The following OTOF variants were observed in gnomAD, a reference collection of about 807,000 sequenced individuals.
The protein encoded by OTOF is fer-1-like family member 2.
OTOF carries 218 observed loss-of-function variants against 236.8 expected under a neutral mutation model. The ratio of observed to expected loss-of-function variants is 0.92; its 90% CI spans 0.82 to 1.03. The LOEUF is 1.03. Among genes scored for constraint, OTOF ranks in the 50% least tolerant of loss-of-function variants. OTOF has a pLI of 0.00. For missense variants in OTOF, 2,590 were observed against 2,694.4 expected, an observed-to-expected ratio of 0.96 and a Z score of 0.86; for synonymous variants, 1,041 against 1,072.5, an observed-to-expected ratio of 0.97 and a Z score of 0.57.
rs79734645 is a variant in OTOF at position 26,558,684 on chromosome 2, C to T, written c.-113G>A. 3.2e-3 allele frequency: 2,852 copies of T among 904,824 alleles called. 61 individuals carry two copies. The African/African-American group carries it at 0.041, about 13-fold the overall frequency. 56.0% of individuals were successfully genotyped at this position (904,824 alleles called of 1,614,324 possible). On this transcript the variant is annotated 5_prime_UTR_variant, in exon 1 of 47. Transcript: ENST00000272371. Reference sequence around the variant, plus strand: ...TGCCGCTGCCTCCTCCTCCTCCTCCCGACCCCCCTCCGATGCTGCCCACAG... The same window carrying T: ...TGCCGCTGCCTCCTCCTCCTCCTCCTGACCCCCCTCCGATGCTGCCCACAG...
In OTOF at chr2:26,460,937, G is replaced by C; in HGVS notation, c.5627C>G (p.Pro1876Arg). The C allele has an allele frequency of 6.2e-7, 1 of 1,614,078 alleles. No homozygotes were observed. The change falls in exon 44 of 47, where the codon CCC (proline) becomes CGC (arginine). Residue 1876 changes from proline to arginine, a missense_variant. Coordinates refer to ENST00000272371, the MANE Select transcript of OTOF (RefSeq NM_194248.3). This position sits in a 1 kb window ranked among gnomAD's most constrained non-coding sequence, Gnocchi z 5.3. ...CTTTTGCTTGAAGATGGACACGAGG[G>C]GCACGTCCACCTCCCCGGTGGCCAT... ...MEMATGEVDV[P>R]LVSIFKQKRV...
In OTOF at chr2:26,458,081, T is replaced by A; in HGVS notation, c.*157A>T. 1 of 1,614,122 alleles carries A rather than the reference T, an allele frequency of 6.2e-7. No individual in the cohort carries two copies. Among genetic ancestry groups the A allele is most frequent in the Non-Finnish European group, 8.5e-7 (1 of 1,180,012 alleles). On this transcript the variant is annotated 3_prime_UTR_variant, in exon 47 of 47. Coordinates refer to ENST00000272371, the MANE Select transcript of OTOF (RefSeq NM_194248.3). ...TTTTTGACCATGTAGCCAGGGAGGC[T>A]GTAGAGGAAGAGCCCCAACATGAGC...
At chr2:26,491,028 TG>T (rs1297451661) in intron 9 of OTOF, among the ~76,000 whole-genome samples, 5 of 151,910 alleles carry the variant, frequency 3.3e-5, no homozygotes, top group Admixed American at 6.6e-5. Flanking sequence ...AGGAGATACC[TG>T]GGGAGAGCAT....
chr2:26,463,914 C>A (rs769617519), intron 40 of OTOF, 50 bp downstream of exon 40: 2 of 1,612,050 alleles, frequency 1.2e-6, no homozygotes, highest in Admixed American at 1.7e-5. Context: ...GGTTGGGGAT[C>A]CCTGGTCCCC....
At chr2:26,527,358 A>G (rs1386280393) in intron 3 of OTOF, among the ~76,000 whole-genome samples, 1 of 152,276 alleles carries the variant, frequency 6.6e-6, no homozygotes. Flanking sequence ...GTCACACAGT[A>G]GATGACTGAC....
At chr2:26,514,233 G>A (rs1201652753) in intron 5 of OTOF, among the ~76,000 whole-genome samples, 1 of 152,262 alleles carries the variant, frequency 6.6e-6, no homozygotes, top group African/African-American at 2.4e-5. Flanking sequence ...CCTGCACACT[G>A]CCCCTGCAAT....
intron 1 of OTOF, among the ~76,000 whole-genome samples, chr2:26,546,467 G>GAAA (rs35043439): frequency 7.0e-6 from 1 of 143,782 alleles, no homozygotes. Context: ...GTCTCAAAAA[G>GAAA]AAAAAAAAAA....
At position 26,465,750 on chromosome 2, in the gene OTOF, C is replaced by T; in HGVS notation, c.4721G>A (p.Gly1574Glu). The change falls in exon 38 of 47, where the codon GGG (glycine) becomes GAG (glutamate). Residue 1574 changes from glycine (G) to glutamate (E), a missense_variant. By Grantham distance (98) the Gly-to-Glu change is moderately conservative. Transcript: ENST00000272371. ...GTTCTCCAGGTCGATCTTGGTTTCC[C>T]CAATGAGGTCATCAGTGCCCACCAG... is the stretch of plus-strand genomic sequence containing the variant. The part of the protein sequence containing the change: ...WDLVGTDDLI[G>E]ETKIDLENRF... 1 of 1,614,224 alleles carries T rather than the reference C, an allele frequency of 6.2e-7. No individual in the cohort carries two copies. The highest frequency in any genetic ancestry group is 8.5e-7 in the Non-Finnish European group (1 of 1,180,036).
intron 34 of OTOF, 54 bp downstream of exon 34, chr2:26,467,311 C>T: frequency 6.2e-7 from 1 of 1,613,526 alleles, no homozygotes; most frequent in Non-Finnish European, 8.5e-7. Flanking sequence ...GATCACTGCG[C>T]CCCCCTCTTC....
intron 2 of OTOF, among the ~76,000 whole-genome samples, chr2:26,533,311 C>A (rs573084162): frequency 6.6e-4 from 101 of 152,294 alleles, no homozygotes; most frequent in African/African-American, 2.3e-3. Context: ...AGGTTGGGGA[C>A]TGCTGCTTTA....
Position 26,516,437 on chromosome 2 carries a change from C to T in OTOF, c.490G>A (p.Gly164Arg). 1 of 1,613,994 alleles carries T rather than the reference C, an allele frequency of 6.2e-7. No homozygotes were observed. Among genetic ancestry groups the T allele is most frequent in the Non-Finnish European group, 8.5e-7 (1 of 1,179,948 alleles). ...TGTTACCTCCGGAAGCTCTTCTCTC[C>T]TGGGGGCCGGGAGCTGGGCCGGGAG... is the stretch of plus-strand genomic sequence containing the variant. ...PGSRPSSRPPGEKSFRRAGRS... is the reference protein window; with the variant it reads ...PGSRPSSRPPREKSFRRAGRS... Residue 164 changes from glycine to arginine, a missense_variant, in exon 5 of 47, where the codon GGA (glycine) becomes AGA (arginine). By Grantham distance (125) the Gly-to-Arg change is moderately radical (BLOSUM62 -2). Around this residue, in one of 2 missense-constraint regions of OTOF, gnomAD observed 1,379 missense variants for 1,341.6 expected, o/e 1.03. Transcript: ENST00000272371.
intron 1 of OTOF, among the ~76,000 whole-genome samples, chr2:26,543,739 C>T (rs143573871): frequency 3.1e-3 from 465 of 152,236 alleles, no homozygotes; most frequent in African/African-American, 9.5e-3. Context: ...TTTTTTGAGA[C>T]GGAGTCTTGA....
chr2:26,473,919 G>A lies in OTOF; in HGVS notation c.3408+72C>T, dbSNP rs1334029257. 2.5e-6 allele frequency: 4 copies of A among 1,587,150 alleles called. No individual in the cohort carries two copies. The highest frequency in any genetic ancestry group is 1.1e-5 in the South Asian group (1 of 90,272). On this transcript the variant is annotated intron_variant, in intron 27 of 46. Transcript: ENST00000272371. This position sits in a 1 kb window ranked among gnomAD's most constrained non-coding sequence, Gnocchi z 7.2. ...CTGGTGATGGTGGTGGGAGGGGGAT[G>A]ACAAGCCACTTCCCCTCCTGGGTCC...
intron 2 of OTOF, 118 bp from the exon 3 acceptor site, chr2:26,528,038 C>T (rs1558516871): frequency 1.3e-6 from 1 of 746,088 alleles, no homozygotes; most frequent in Non-Finnish European, 2.4e-6. Flanking sequence ...CACTTGGGCC[C>T]AGTGCTCCCC....
rs1343488102 is a variant in OTOF, at chr2:26,467,227, G to A, written c.4234C>T (p.Pro1412Ser). 1 of 1,614,112 alleles carries A rather than the reference G, an allele frequency of 6.2e-7. No individual in the cohort carries two copies. Among genetic ancestry groups the A allele is most frequent in the South Asian group, 1.1e-5 (1 of 91,068 alleles). ...TCAAACTCGGACTCCAGCTCTTTGG[G>A]GTATACCTGAGACAGACCAGGCTGT... Reference protein sequence around the residue: ...KPKIDELKVYPKELESEFDNF... With the variant: ...KPKIDELKVYSKELESEFDNF... Residue 1412 changes from proline to serine, a missense_variant, in exon 35 of 47, where the codon CCC becomes TCC. Pro to Ser is a moderately conservative substitution (Grantham distance 74). This residue lies in a region of OTOF where 1,211 missense variants were observed against 1,352.8 expected (regional missense o/e 0.90). Transcript: ENST00000272371.
Position 26,484,586 on chromosome 2 carries a change from T to C in OTOF, c.1093A>G (p.Ile365Val), listed in dbSNP as rs1343761631. The C allele has an allele frequency of 6.2e-7, 1 of 1,613,798 alleles. No homozygotes were observed. The highest frequency in any genetic ancestry group is 2.2e-5 in the East Asian group (1 of 44,886). Residue 365 changes from isoleucine (I) to valine (V), a missense_variant, in exon 12 of 47, where the codon ATC becomes GTC. By Grantham distance (29) the Ile-to-Val change is conservative. Transcript: ENST00000272371. ...KWAILSDPDD[I>V]SSGLKGYVKC... ...ACGTAGCCCTTCAGCCCCGAGGAGA[T>C]GTCATCGGGGTCAGACAGGATGGCC...
chr2:26,519,562 T>C lies in OTOF; in HGVS notation c.228-453A>G, dbSNP rs114407341. 7.3e-3 allele frequency among the ~76,000 whole-genome samples: 1,114 copies of C among 152,266 alleles called. 14 individuals carry two copies. The highest frequency in any genetic ancestry group is 0.024 in the African/African-American group (1,010 of 41,536). ...ACAGCACTCACTCATCCATTCCACA[T>C]CTGCAGCCTGTAAGTTCCTGGATGG... is the stretch of plus-strand genomic sequence containing the variant. On this transcript the variant is annotated intron_variant, in intron 3 of 46. Coordinates refer to ENST00000272371, the MANE Select transcript of OTOF (RefSeq NM_194248.3).
At position 26,502,307 on chromosome 2, in the gene OTOF, T is replaced by C. The variant is rs767977926; in HGVS notation, c.703A>G (p.Asn235Asp). Residue 235 changes from asparagine to aspartate, a missense_variant, in exon 7 of 47, where the codon AAC becomes GAC. Around this residue, in one of 2 missense-constraint regions of OTOF, gnomAD observed 1,379 missense variants for 1,341.6 expected, o/e 1.03. Coordinates refer to ENST00000272371, the MANE Select transcript of OTOF (RefSeq NM_194248.3). The stretch of plus-strand genomic sequence containing the variant: ...GGGCTCCCGTCCACTCACCGCTTGT[T>C]GGAGACATTAGTGGTGAGAGCTGTG... ...SVTALTTNVSNKRSKPDIKME... is the reference protein window; with the variant it reads ...SVTALTTNVSDKRSKPDIKME... 1.4e-5 allele frequency: 22 copies of C among 1,613,884 alleles called. No homozygotes were observed. The highest frequency in any genetic ancestry group is 1.9e-5 in the Non-Finnish European group (22 of 1,179,936).
intron 4 of OTOF, 108 bp from the exon 5 acceptor site, chr2:26,516,707 C>T (rs1666537458): frequency 8.5e-7 from 1 of 1,181,334 alleles, no homozygotes; most frequent in Non-Finnish European, 1.2e-6. Context: ...ACCCTTGCCT[C>T]ACTGGAGGAG....
Sources: allele counts gnomAD v4.1 joint callset (sites outside exome capture counted in the v4.1 genomes callset), GRCh38; gene constraint gnomAD v4.1.1; regional missense constraint gnomAD v4.1.1; non-coding constraint Gnocchi (gnomAD v3.1); transcripts MANE v1.5; gene names NCBI Gene and HGNC (gene_info 2026-07-23, HGNC 2026-07-21).